The following URB1 variants were observed in gnomAD, a reference collection of about 807,000 sequenced individuals.
URB1 encodes URB1 ribosome biogenesis factor.
Under a neutral mutation model 242.3 loss-of-function variants are expected in URB1, and 197 were observed. That is an observed-to-expected ratio of 0.81 (90% confidence interval 0.72 to 0.91). URB1 has a LOEUF of 0.91. Ranked by LOEUF, URB1 falls within the 40% of genes least tolerant of loss-of-function variation. The probability of loss-of-function intolerance (pLI) is 0.00; values close to 1 mark genes in which losing one functional copy is unlikely to be tolerated. For synonymous variants in URB1, 1,153 were observed against 1,201.8 expected (o/e 0.96, Z 0.84); for missense variants, 2,721 against 2,860.5 (o/e 0.95, Z 1.11).
Position 32,312,350 on chromosome 21 carries a change from G to A in URB1, c.*2568C>T. 8.3e-7 allele frequency: 1 copy of A among 1,199,664 alleles called. No individual in the cohort carries two copies. Among genetic ancestry groups the A allele is most frequent in the Non-Finnish European group, 1.1e-6 (1 of 950,714 alleles). The allele number at this position is 1,199,664 out of a possible 1,614,324, so 74.3% of individuals were successfully genotyped here. A position where few individuals can be genotyped will look rare whatever the true frequency, so the allele number is the denominator to read the frequency against. On this transcript the variant is annotated 3_prime_UTR_variant, in exon 39 of 39. Coordinates refer to ENST00000382751, the MANE Select transcript of URB1 (RefSeq NM_014825.3). Reference sequence around the variant, plus strand: ...ACCATTACTGTGTAATGCGTTATCAGCCCTGAGTTCACCTGGTCCTTCTGT... The same window carrying A: ...ACCATTACTGTGTAATGCGTTATCAACCCTGAGTTCACCTGGTCCTTCTGT...
At chr21:32,340,007 T>C (rs2033010463) in intron 25 of URB1, among the ~76,000 whole-genome samples, 1 of 152,108 alleles carries the variant, frequency 6.6e-6, no homozygotes, top group Non-Finnish European at 1.5e-5. Flanking sequence ...CAAAACCCAC[T>C]AAGGAAAGGA....
At position 32,311,043 on chromosome 21, in the gene URB1, T is replaced by C. The variant is rs892314034; in HGVS notation, c.*3875A>G. ...TAATTTATAAAGGAAAGAGGTTTAA[T>C]GGACTCACAGTTTCACATGGCGGGG... On this transcript the variant is annotated 3_prime_UTR_variant, in exon 39 of 39. Coordinates refer to ENST00000382751, the MANE Select transcript of URB1 (RefSeq NM_014825.3). The C allele has an allele frequency of 6.6e-6, 1 of 152,444 alleles. No individual in the cohort carries two copies. The highest frequency in any genetic ancestry group is 6.5e-5 in the Admixed American group (1 of 15,290). 9.4% of individuals were successfully genotyped at this position (152,444 alleles called of 1,614,324 possible).
intron 25 of URB1, among the ~76,000 whole-genome samples, chr21:32,339,228 A>G (rs2032999702): frequency 6.6e-6 from 1 of 152,188 alleles, no homozygotes; most frequent in Non-Finnish European, 1.5e-5. Flanking sequence ...TCCTGACCTC[A>G]GGTGAGCTGC....
intron 38 of URB1, 56 bp from the exon 39 acceptor site, chr21:32,315,155 A>G: frequency 7.0e-7 from 1 of 1,433,462 alleles, no homozygotes; most frequent in Non-Finnish European, 9.2e-7. Flanking sequence ...GCTCGAAAAC[A>G]GGTCATCCTG....
chr21:32,390,520 T>C lies in URB1; in HGVS notation c.142+2249A>G, dbSNP rs1410574936. On this transcript the variant is annotated intron_variant, in intron 1 of 38. Coordinates refer to ENST00000382751, the MANE Select transcript of URB1 (RefSeq NM_014825.3). Reference sequence around the variant, plus strand: ...TGAGTTCATTGTAGATTCTGGATATTAGCCCTTTGTCAGATGAGTAGATTG... The same window carrying C: ...TGAGTTCATTGTAGATTCTGGATATCAGCCCTTTGTCAGATGAGTAGATTG... Among the ~76,000 whole-genome samples, 4 of 152,146 alleles carry C rather than the reference T, an allele frequency of 2.6e-5. No individual in the cohort carries two copies. In the East Asian group the frequency reaches 7.7e-4, roughly 29 times the overall value.
At chr21:32,349,556 C>T in intron 20 of URB1, 73 bp from the exon 21 acceptor site, 2 of 1,435,888 alleles carry the variant, frequency 1.4e-6, no homozygotes, top group South Asian at 2.9e-5. Flanking sequence ...ACTTCCAGGG[C>T]CCGTGTTTTC....
At chr21:32,319,145 G>C in intron 36 of URB1, 72 bp downstream of exon 36, 1 of 1,424,278 alleles carries the variant, frequency 7.0e-7, no homozygotes, top group Non-Finnish European at 9.4e-7. Context: ...CTGAGACATG[G>C]TGTCCACAGG....
intron 4 of URB1, among the ~76,000 whole-genome samples, chr21:32,381,521 C>T (rs948572936): frequency 3.4e-5 from 5 of 147,748 alleles, no homozygotes; most frequent in African/African-American, 5.0e-5. Context: ...AACTCAAAGA[C>T]GCAAAAGGGA....
At chr21:32,375,293 A>G in intron 6 of URB1, 105 bp downstream of exon 6, 1 of 684,744 alleles carries the variant, frequency 1.5e-6, no homozygotes, top group Admixed American at 3.9e-5. Context: ...ACAACAATCT[A>G]TGTAAGATAA....
intron 25 of URB1, among the ~76,000 whole-genome samples, chr21:32,340,148 C>T (rs1238121677): frequency 6.6e-6 from 1 of 152,238 alleles, no homozygotes; most frequent in Non-Finnish European, 1.5e-5. Flanking sequence ...TCTCACTTCT[C>T]TCTCTCCTCT....
intron 20 of URB1, among the ~76,000 whole-genome samples, chr21:32,350,085 T>C (rs1404040743): frequency 1.4e-5 from 2 of 143,940 alleles, no homozygotes; most frequent in Non-Finnish European, 1.5e-5. Context: ...ATCCTGCCAT[T>C]GCACTCCATC....
chr21:32,321,478 A>G (rs1278904979), intron 34 of URB1, among the ~76,000 whole-genome samples: 1 of 152,206 alleles, frequency 6.6e-6, no homozygotes, highest in Non-Finnish European at 1.5e-5. Flanking sequence ...CTGAAGGCTC[A>G]TGATTACTGA....
intron 21 of URB1, among the ~76,000 whole-genome samples, chr21:32,348,308 A>G (rs2033117467): frequency 6.6e-6 from 1 of 152,172 alleles, no homozygotes; most frequent in Non-Finnish European, 1.5e-5. Context: ...GGGTGATGTC[A>G]GTTTAGATGA....
intron 5 of URB1, chr21:32,377,470 T>G: frequency 2.9e-6 from 1 of 341,638 alleles, no homozygotes; most frequent in Non-Finnish European, 5.6e-6. Flanking sequence ...CCACGGGAAT[T>G]TGAAGAAACT....
rs1382815999 is a variant in URB1 at position 32,375,447 on chromosome 21, T to C, written c.701A>G (p.Glu234Gly). 5 of 1,540,496 alleles carry C rather than the reference T, an allele frequency of 3.2e-6. No individual in the cohort carries two copies. Among genetic ancestry groups the C allele is most frequent in the Admixed American group, 2.0e-5 (1 of 49,002 alleles). ...AATATTGATGGTAGAGATCCTATCT[T>C]CCTTTATCCCTGAGCTAAAAATGCA... ...IPCIFSSGIK[E>G]DRISTINILL... The change falls in exon 6 of 39, where the codon GAA becomes GGA. Residue 234 changes from glutamate to glycine, a missense_variant. Physicochemically the swap from Glu to Gly is moderately conservative, Grantham distance 98 (BLOSUM62 -2). Transcript: ENST00000382751.
chr21:32,345,998 G>C (rs532222109), intron 22 of URB1, among the ~76,000 whole-genome samples: 1 of 152,148 alleles, frequency 6.6e-6, no homozygotes, highest in African/African-American at 2.4e-5. Flanking sequence ...TGGAGGTGGG[G>C]TCTAATGGGA....
intron 27 of URB1, 40 bp from the exon 28 acceptor site, chr21:32,337,197 C>T: frequency 1.9e-6 from 3 of 1,545,784 alleles, no homozygotes; most frequent in Non-Finnish European, 2.6e-6. Context: ...AGATGAACCC[C>T]TGACACCCTC....
chr21:32,387,239 C>CA (rs1480030237), intron 1 of URB1, among the ~76,000 whole-genome samples: 2 of 152,156 alleles, frequency 1.3e-5, no homozygotes, highest in Non-Finnish European at 2.9e-5. Flanking sequence ...AACTGGGAGC[C>CA]ACCTGTGTGC....
chr21:32,384,590 C>A, intron 2 of URB1, 126 bp from the exon 3 acceptor site: 1 of 1,249,888 alleles, frequency 8.0e-7, no homozygotes, highest in Non-Finnish European at 1.1e-6. Context: ...GGATGACGCC[C>A]ACCCAGATCC....
Sources: allele counts gnomAD v4.1 joint callset (sites outside exome capture counted in the v4.1 genomes callset), GRCh38; gene constraint gnomAD v4.1.1; transcripts MANE v1.5; gene names NCBI Gene and HGNC (gene_info 2026-07-23, HGNC 2026-07-21).